CRISP2: variants seen among roughly 807,000 people sequenced by gnomAD.
CRISP2 encodes cysteine rich secretory protein 2.
CRISP2 carries 29 observed loss-of-function variants against 31.7 expected under a neutral mutation model. The observed-to-expected ratio is 0.92, with a 90% confidence interval of 0.68 to 1.25. The LOEUF (loss-of-function observed/expected upper bound fraction) is 1.25. Among genes scored for constraint, CRISP2 ranks in the 50% most tolerant of loss-of-function variants. The pLI, the probability that CRISP2 is intolerant of heterozygous loss-of-function variation, is 0.00. For missense variants in CRISP2, 318 were observed against 286.5 expected (o/e 1.11, Z -0.79); for synonymous variants, 111 against 101.4 (o/e 1.09, Z -0.57).
intron 8 of CRISP2, among the ~76,000 whole-genome samples, chr6:49,696,848 A>T (rs962853404): frequency 2.0e-5 from 3 of 152,118 alleles, no homozygotes; most frequent in Non-Finnish European, 4.4e-5. Flanking sequence ...TGTGAAACAG[A>T]TATAAAAGGA....
chr6:49,687,408 A>G (rs577890951), downstream of CRISP2, among the ~76,000 whole-genome samples: 190 of 152,302 alleles, frequency 1.2e-3, no homozygotes, highest in Non-Finnish European at 2.3e-3. Context: ...TTTTTCTTAC[A>G]TCACTTTCTG....
chr6:49,682,714 T>C, the CRISP2 span, among the ~76,000 whole-genome samples: 2 of 149,010 alleles, frequency 1.3e-5, no homozygotes, highest in South Asian at 4.2e-4. Context: ...TTTTTCTCTT[T>C]CTTTTTCTCT....
Position 49,692,596 on chromosome 6 carries a change from T to G in CRISP2, c.*177A>C, listed in dbSNP as rs1380837747. 1.8e-6 allele frequency: 1 copy of G among 555,410 alleles called. No homozygotes were observed. The highest frequency in any genetic ancestry group is 3.1e-6 in the Non-Finnish European group (1 of 321,028). The allele number at this position is 555,410 out of a possible 1,614,324, so 34.4% of individuals were successfully genotyped here. ...AGAGTTCACAGTTGTCATCATCTAC[T>G]ATGCTACTTTTGTAAATCATTGCCT... On this transcript the variant is annotated 3_prime_UTR_variant, in exon 10 of 10. Transcript: ENST00000339139.
In CRISP2 at chr6:49,697,870, A is replaced by G. The variant is rs754622364; in HGVS notation, c.505T>C (p.Tyr169His). Residue 169 changes from tyrosine to histidine, a missense_variant, in exon 8 of 10, where the codon TAT (tyrosine) becomes CAT (histidine). Physicochemically the swap from Tyr to His is moderately conservative, Grantham distance 83. Transcript: ENST00000339139. ...AAACAGTCTACTTACGCAGGACAAT[A>G]TTGGCAAACATAGTAGTATTTTAGA... is the stretch of plus-strand genomic sequence containing the variant. The part of the protein sequence containing the change: ...DSLKYYYVCQ[Y>H]CPAGNNMNRK... The G allele has an allele frequency of 1.9e-6, 3 of 1,611,660 alleles. No individual in the cohort carries two copies. Among genetic ancestry groups the G allele is most frequent in the African/African-American group, 2.7e-5 (2 of 74,824 alleles).
chr6:49,685,602 G>A, the CRISP2 span, among the ~76,000 whole-genome samples: 2 of 152,070 alleles, frequency 1.3e-5, no homozygotes, highest in South Asian at 2.1e-4. Flanking sequence ...TTGTTCAGTC[G>A]TAACATATAT....
downstream of CRISP2, among the ~76,000 whole-genome samples, chr6:49,689,008 A>C (rs1462102934): frequency 6.6e-6 from 1 of 152,020 alleles, no homozygotes; most frequent in Non-Finnish European, 1.5e-5. Context: ...AGTAGCTGGG[A>C]TTATAGGCAC....
intron 4 of CRISP2, among the ~76,000 whole-genome samples, chr6:49,702,175 A>AACATTTTCTT (rs1766177372): frequency 9.2e-6 from 1 of 108,950 alleles, no homozygotes; most frequent in Non-Finnish European, 1.8e-5. Flanking sequence ...ATATATATAT[A>AACATTTTCTT]TATATATAAC....
chr6:49,703,997 T>C (rs748605429), intron 4 of CRISP2, among the ~76,000 whole-genome samples: 2 of 152,172 alleles, frequency 1.3e-5, no homozygotes, highest in Non-Finnish European at 2.9e-5. Flanking sequence ...CAATTATTCT[T>C]AGCTTTGGTG....
At chr6:49,699,381 A>G (rs1336533884) in intron 6 of CRISP2, among the ~76,000 whole-genome samples, 2 of 152,116 alleles carry the variant, frequency 1.3e-5, no homozygotes, top group African/African-American at 2.4e-5. Flanking sequence ...GATACAAAAA[A>G]TAGATTTCAA....
the CRISP2 span, among the ~76,000 whole-genome samples, chr6:49,683,774 C>A: frequency 7.8e-6 from 1 of 128,306 alleles, no homozygotes; most frequent in Non-Finnish European, 1.6e-5. Flanking sequence ...ATATTCTAAG[C>A]CTGACTACCA....
intron 6 of CRISP2, 85 bp downstream of exon 6, chr6:49,699,719 G>T: frequency 2.1e-6 from 2 of 939,182 alleles, no homozygotes; most frequent in Non-Finnish European, 3.3e-6. Flanking sequence ...TATTTTCAAA[G>T]TCTTCTTATT....
At chr6:49,681,979 T>C in the CRISP2 span, among the ~76,000 whole-genome samples, 1 of 152,212 alleles carries the variant, frequency 6.6e-6, no homozygotes, top group Non-Finnish European at 1.5e-5. Context: ...TTATTTACTA[T>C]GTCCTCACAG....
the CRISP2 span, among the ~76,000 whole-genome samples, chr6:49,681,674 A>G: frequency 6.6e-6 from 1 of 152,190 alleles, no homozygotes. Flanking sequence ...AAATGATGAA[A>G]TCACTTTAAA....
intron 2 of CRISP2, among the ~76,000 whole-genome samples, chr6:49,711,748 C>G (rs141656950): frequency 6.6e-6 from 1 of 152,096 alleles, no homozygotes; most frequent in African/African-American, 2.4e-5. Flanking sequence ...TTATTGGTTA[C>G]GGGTGCATTC....
At chr6:49,702,890 G>T (rs950133064) in intron 4 of CRISP2, among the ~76,000 whole-genome samples, 9 of 151,060 alleles carry the variant, frequency 6.0e-5, no homozygotes, top group Non-Finnish European at 1.3e-4. Flanking sequence ...TTAGACATTT[G>T]CCTTAAGCCA....
intron 4 of CRISP2, among the ~76,000 whole-genome samples, chr6:49,701,515 T>G (rs1282988976): frequency 7.8e-6 from 1 of 128,584 alleles, no homozygotes; most frequent in African/African-American, 3.2e-5. Context: ...TATATATATA[T>G]ATATATATAT....
At chr6:49,705,000 T>C (rs1766771829) in intron 4 of CRISP2, among the ~76,000 whole-genome samples, 1 of 152,098 alleles carries the variant, frequency 6.6e-6, no homozygotes. Context: ...TATGGGGGGA[T>C]ACAAGTTTGC....
intron 2 of CRISP2, among the ~76,000 whole-genome samples, chr6:49,711,840 T>A (rs1409512306): frequency 1.3e-5 from 2 of 152,132 alleles, no homozygotes; most frequent in African/African-American, 4.8e-5. Context: ...ATATCACAGG[T>A]TTTTGCTTTG....
intron 4 of CRISP2, among the ~76,000 whole-genome samples, chr6:49,706,547 G>T (rs1767065187): frequency 6.6e-6 from 1 of 152,122 alleles, no homozygotes. Flanking sequence ...ATGGTATGGG[G>T]CCTGCTAAGC....
Sources: gnomAD v4.1 joint callset for allele counts (sites outside exome capture counted in the v4.1 genomes callset) on GRCh38, gnomAD v4.1.1 for gene constraint, MANE v1.5 for transcripts, NCBI Gene and HGNC (gene_info 2026-07-23, HGNC 2026-07-21) for gene names.